PCDH11X: variants seen among roughly 807,000 people sequenced by gnomAD.
PCDH11X encodes protocadherin-11 X-linked.
In PCDH11X, 18 loss-of-function variants were observed where a neutral mutation model predicts 53.3. That is an observed-to-expected ratio of 0.34 (90% CI 0.23 to 0.50). The LOEUF (loss-of-function observed/expected upper bound fraction) is 0.50, where lower values mean the gene tolerates loss of function less well. Ranked by LOEUF, PCDH11X falls within the 20% of genes least tolerant of loss-of-function variation. The pLI is 0.98. For synonymous variants in PCDH11X, 279 were observed against 393.3 expected, an observed-to-expected ratio of 0.71 and a Z score of 3.44; for missense variants, 570 against 1,032.4, an observed-to-expected ratio of 0.55 and a Z score of 6.14.
At chrX:92,010,863 C>T (rs1442289276) in intron 6 of PCDH11X, among the ~76,000 whole-genome samples, 4 of 110,157 alleles carry the variant, frequency 3.6e-5, no homozygotes, top group African/African-American at 1.3e-4. Flanking sequence ...TATTTCAGTG[C>T]TCACTCTCCT....
At chrX:92,179,922 T>C (rs2065967663) in intron 6 of PCDH11X, among the ~76,000 whole-genome samples, 1 of 111,913 alleles carries the variant, frequency 8.9e-6, no homozygotes. Flanking sequence ...AACATGTGGA[T>C]CACTTGATCA....
intron 4 of PCDH11X, among the ~76,000 whole-genome samples, chrX:91,813,127 C>A (rs920200689): frequency 6.3e-5 from 7 of 111,286 alleles, no homozygotes; most frequent in African/African-American, 2.3e-4. Context: ...ACAAGACATT[C>A]AGCCCATTCA....
At chrX:92,542,366 C>A (rs977491368) in intron 10 of PCDH11X, among the ~76,000 whole-genome samples, 3 of 111,740 alleles carry the variant, frequency 2.7e-5, no homozygotes, top group Non-Finnish European at 5.6e-5. Context: ...CACACAAATA[C>A]TAATCTTCAT....
Position 92,081,833 on chromosome X carries a change from A to G in PCDH11X, c.3034-119542A>G, listed in dbSNP as rs575930663. ...TTTGATCTCAAGCCATGATGATTAT[A>G]TGATGGTTATTTAATTTGCAGCAGT... On this transcript the variant is annotated intron_variant, in intron 6 of 10. Transcript: ENST00000682573. Among the ~76,000 whole-genome samples, 24 of 111,750 alleles carry G rather than the reference A, an allele frequency of 2.1e-4. No individual in the cohort carries two copies. The South Asian group carries it at 8.9e-3, about 42-fold the overall frequency.
intron 10 of PCDH11X, among the ~76,000 whole-genome samples, chrX:92,513,867 T>C (rs956399555): frequency 9.0e-6 from 1 of 110,732 alleles, no homozygotes; most frequent in African/African-American, 3.3e-5. Context: ...TTTAGAACAC[T>C]TTTCCTCACC....
intron 7 of PCDH11X, among the ~76,000 whole-genome samples, chrX:92,243,205 C>T (rs1203056261): frequency 1.8e-5 from 2 of 110,870 alleles, no homozygotes; most frequent in East Asian, 2.8e-4. Context: ...TTTTTGTAGA[C>T]GTTTTATAAT....
In PCDH11X at chrX:92,532,645, C is replaced by T. The variant is rs1422469281; in HGVS notation, c.3367+64323C>T. On this transcript the variant is annotated intron_variant, in intron 10 of 10. Coordinates refer to ENST00000682573, the MANE Select transcript of PCDH11X (RefSeq NM_032968.5). ...TAATATATTTAACAAGAAGAAAGTT[C>T]TCCTCCTTCATTTAAAAAAAAAAAA... Among the ~76,000 whole-genome samples the T allele has an allele frequency of 3.9e-4, 29 of 74,152 alleles. No homozygotes were observed. In the Admixed American group the frequency reaches 4.0e-3, roughly 10 times the overall value. 64.4% of individuals were successfully genotyped at this position (74,152 alleles called of 115,157 possible). A position where few individuals can be genotyped will look rare whatever the true frequency, so the allele number is the denominator to read the frequency against.
In PCDH11X at chrX:92,594,853, TG is replaced by T. The variant is rs200915729; in HGVS notation, c.3368-23410del. 7.1e-3 allele frequency among the ~76,000 whole-genome samples: 777 copies of T among 108,854 alleles called. 7 individuals are homozygous for T. The highest frequency in any genetic ancestry group is 0.021 in the African/African-American group (625 of 29,868). 94.5% of individuals were successfully genotyped at this position (108,854 alleles called of 115,157 possible). A position where few individuals can be genotyped will look rare whatever the true frequency, so the allele number is the denominator to read the frequency against. ...TTAAAACATTGCTATTTTTTTTGTT[TG>T]TTTGTTTTGGAGTCCAGCAAACCTT... On this transcript the variant is annotated intron_variant, in intron 10 of 10. Transcript: ENST00000682573.
chrX:92,242,397 C>T (rs1467271639), intron 7 of PCDH11X, among the ~76,000 whole-genome samples: 1 of 110,950 alleles, frequency 9.0e-6, no homozygotes, highest in Non-Finnish European at 1.9e-5. Context: ...TTGGGATCGG[C>T]TTTTTCACTT....
intron 1 of PCDH11X, among the ~76,000 whole-genome samples, chrX:91,780,310 C>T (rs1321287323): frequency 8.9e-6 from 1 of 111,977 alleles, no homozygotes; most frequent in Non-Finnish European, 1.9e-5. Flanking sequence ...GCTCGCCTCC[C>T]CGCCCTTCCT....
At chrX:92,250,399 G>C (rs1354523290) in intron 7 of PCDH11X, among the ~76,000 whole-genome samples, 1 of 109,795 alleles carries the variant, frequency 9.1e-6, no homozygotes, top group Admixed American at 9.9e-5. Flanking sequence ...CACTCGAACA[G>C]TTAAACACAG....
chrX:92,276,157 T>C (rs985402808), intron 8 of PCDH11X, among the ~76,000 whole-genome samples: 6 of 109,016 alleles, frequency 5.5e-5, no homozygotes, highest in South Asian at 4.1e-4. Flanking sequence ...TGTCAATACC[T>C]ACAACAGTTA....
chrX:92,448,715 G>A lies in PCDH11X; in HGVS notation c.3344-19584G>A, dbSNP rs188391215. 5.5e-3 allele frequency among the ~76,000 whole-genome samples: 591 copies of A among 108,215 alleles called. 7 individuals carry two copies. Among genetic ancestry groups the A allele is most frequent in the African/African-American group, 0.019 (567 of 29,718 alleles). The allele number at this position is 108,215 out of a possible 115,157, so 94.0% of individuals were successfully genotyped here. A position where few individuals can be genotyped will look rare whatever the true frequency, so the allele number is the denominator to read the frequency against. On this transcript the variant is annotated intron_variant, in intron 9 of 10. Coordinates refer to ENST00000682573, the MANE Select transcript of PCDH11X (RefSeq NM_032968.5). ...TATACGCCACCAAGAATATGTGTGT[G>A]TGGTGGAGAAAGGGTACTTAATTAG...
rs765767280 is a variant in PCDH11X, at chrX:92,154,657, C to T, written c.3034-46718C>T. On this transcript the variant is annotated intron_variant, in intron 6 of 10. Transcript: ENST00000682573. The stretch of plus-strand genomic sequence containing the variant: ...CTGGACAGCGTGAGGAACACATCGG[C>T]GGAAGAAGACACAAGCGGCTGGTCA... Among the ~76,000 whole-genome samples, 5 of 110,709 alleles carry T rather than the reference C, an allele frequency of 4.5e-5. No individual in the cohort carries two copies. The East Asian group carries it at 1.4e-3, about 32-fold the overall frequency.
chrX:92,377,060 G>A (rs892214323), intron 8 of PCDH11X, among the ~76,000 whole-genome samples: 4 of 111,973 alleles, frequency 3.6e-5, no homozygotes, highest in Non-Finnish European at 7.5e-5. Flanking sequence ...TAAGTGGAAA[G>A]GACAGAAAGG....
intron 6 of PCDH11X, among the ~76,000 whole-genome samples, chrX:91,921,885 A>G (rs1411214413): frequency 2.7e-5 from 3 of 110,856 alleles, no homozygotes; most frequent in Non-Finnish European, 5.7e-5. Flanking sequence ...AAAACTGCCA[A>G]ACTGTCTTCC....
intron 6 of PCDH11X, among the ~76,000 whole-genome samples, chrX:92,132,687 GTATATATATATATATA>G (rs369282634): frequency 1.5e-5 from 1 of 67,738 alleles, no homozygotes; most frequent in Non-Finnish European, 2.6e-5. Context: ...ATATATATAT[GTATATATATATATATA>G]TATGTATATG....
At chrX:91,910,521 G>C (rs1295658015) in intron 6 of PCDH11X, among the ~76,000 whole-genome samples, 1 of 111,099 alleles carries the variant, frequency 9.0e-6, no homozygotes, top group African/African-American at 3.3e-5. Flanking sequence ...TCCAGCTTCA[G>C]ATACACACCA....
chrX:92,560,444 T>G (rs780408036), intron 10 of PCDH11X, among the ~76,000 whole-genome samples: 1 of 110,841 alleles, frequency 9.0e-6, no homozygotes, highest in East Asian at 2.9e-4. Context: ...AAAGAAACAT[T>G]GTTTTCTACC....
Sources: gnomAD v4.1 joint callset for allele counts (sites outside exome capture counted in the v4.1 genomes callset) on GRCh38, gnomAD v4.1.1 for gene constraint, MANE v1.5 for transcripts, NCBI Gene and HGNC (gene_info 2026-07-23, HGNC 2026-07-21) for gene names.